PHKB: variants seen among roughly 807,000 people sequenced by gnomAD.
PHKB encodes the protein phosphorylase b kinase regulatory subunit beta.
In PHKB, 122 loss-of-function variants were observed where a neutral mutation model predicts 152.1. The ratio of observed to expected loss-of-function variants is 0.80; its 90% CI spans 0.69 to 0.93. The LOEUF is 0.93. Ranked by LOEUF, PHKB falls within the 40% of genes least tolerant of loss-of-function variation. The pLI is 0.00. For synonymous variants in PHKB, 436 were observed against 464.9 expected, an observed-to-expected ratio of 0.94 and a Z score of 0.80; for missense variants, 1,304 against 1,328.4, an observed-to-expected ratio of 0.98 and a Z score of 0.29.
intron 6 of PHKB, among the ~76,000 whole-genome samples, chr16:47,536,144 C>T (rs868227441): frequency 2.0e-5 from 3 of 152,100 alleles, no homozygotes; most frequent in African/African-American, 4.8e-5. Context: ...CTCCGGCTCC[C>T]GTGTTCAAGC....
chr16:47,547,706 A>C lies in PHKB; in HGVS notation c.710+158A>C, dbSNP rs1056388869. 5.0e-5 allele frequency: 30 copies of C among 605,502 alleles called. No individual in the cohort carries two copies. In the South Asian group the frequency reaches 5.4e-4, roughly 11 times the overall value. The allele number at this position is 605,502 out of a possible 1,614,324, so 37.5% of individuals were successfully genotyped here. ...CAGATGGAAGTCACTTAAAATTAAC[A>C]CAAAAGAGCCCATCCTCAGTACCCA... On this transcript the variant is annotated intron_variant, in intron 7 of 30. Transcript: ENST00000323584.
At chr16:47,603,861 C>T (rs1302263840) in intron 13 of PHKB, among the ~76,000 whole-genome samples, 1 of 152,102 alleles carries the variant, frequency 6.6e-6, no homozygotes, top group Non-Finnish European at 1.5e-5. Flanking sequence ...AAACATCATC[C>T]TAAGTAATCC....
chr16:47,521,067 A>G (rs1230581032), intron 6 of PHKB, among the ~76,000 whole-genome samples: 2 of 152,164 alleles, frequency 1.3e-5, no homozygotes, highest in African/African-American at 4.8e-5. Flanking sequence ...TTGCTATCAT[A>G]TAGAAATTCA....
At position 47,471,129 on chromosome 16, in the gene PHKB, G is replaced by A. The variant is rs144374109; in HGVS notation, c.76+9703G>A. Reference sequence around the variant, plus strand: ...GCAGGGTTGAAGTAGGGACTTCAAGGAAAGCCTCTCTGGAAGTGATATTTA... The same window carrying A: ...GCAGGGTTGAAGTAGGGACTTCAAGAAAAGCCTCTCTGGAAGTGATATTTA... On this transcript the variant is annotated intron_variant, in intron 1 of 30. Transcript: ENST00000323584. 4.6e-3 allele frequency among the ~76,000 whole-genome samples: 707 copies of A among 152,296 alleles called. 1 individual carries two copies. Among genetic ancestry groups the A allele is most frequent in the Non-Finnish European group, 7.4e-3 (501 of 68,024 alleles).
intron 26 of PHKB, chr16:47,675,776 ACACT>A (rs1002563453): frequency 3.3e-5 from 5 of 152,196 alleles, no homozygotes; most frequent in African/African-American, 9.7e-5. Flanking sequence ...CACCTGGTAG[ACACT>A]CACGACACCT....
chr16:47,573,429 T>G (rs1971696246), intron 7 of PHKB, among the ~76,000 whole-genome samples: 1 of 152,160 alleles, frequency 6.6e-6, no homozygotes, highest in Non-Finnish European at 1.5e-5. Flanking sequence ...ACTGGGGTAA[T>G]GTTCCACGGA....
chr16:47,650,580 C>A lies in PHKB; in HGVS notation c.1834C>A (p.His612Asn), dbSNP rs748562398. 4 of 1,610,700 alleles carry A rather than the reference C, an allele frequency of 2.5e-6. No homozygotes were observed. Reference protein sequence around the residue: ...LQFIKQYWKMHGRPLFLVLIR... With the variant: ...LQFIKQYWKMNGRPLFLVLIR... ...GTTCATTAAACAATATTGGAAAATG[C>A]ATGGACGTCCACTTTTCCTTGTTCT... The change falls in exon 19 of 31, where the codon CAT (histidine) becomes AAT (asparagine). Residue 612 changes from histidine (H) to asparagine (N), a missense_variant. By Grantham distance (68) the His-to-Asn change is moderately conservative. Transcript: ENST00000323584.
intron 10 of PHKB, among the ~76,000 whole-genome samples, 182 bp downstream of exon 10, chr16:47,589,284 C>T (rs1971987986): frequency 6.6e-6 from 1 of 152,174 alleles, no homozygotes; most frequent in Non-Finnish European, 1.5e-5. Flanking sequence ...GTACCTATAT[C>T]ATGAGGTTCT....
At chr16:47,634,425 A>G (rs2151722682) in intron 14 of PHKB, among the ~76,000 whole-genome samples, 2 of 152,340 alleles carry the variant, frequency 1.3e-5, no homozygotes, top group East Asian at 3.9e-4. Context: ...GGGAGGTGGC[A>G]GTAGACCAGC....
chr16:47,490,533 T>G (rs1245217622), intron 1 of PHKB, among the ~76,000 whole-genome samples: 1 of 152,196 alleles, frequency 6.6e-6, no homozygotes, highest in Non-Finnish European at 1.5e-5. Context: ...ACATGTCAGA[T>G]GATCCTGTTT....
intron 6 of PHKB, among the ~76,000 whole-genome samples, chr16:47,547,010 C>T (rs1356924179): frequency 6.6e-6 from 1 of 152,176 alleles, no homozygotes; most frequent in African/African-American, 2.4e-5. Flanking sequence ...TACAGTCTGT[C>T]AAGGCTTCCC....
intron 7 of PHKB, among the ~76,000 whole-genome samples, chr16:47,560,279 A>G (rs574513149): frequency 2.0e-4 from 30 of 152,356 alleles, no homozygotes; most frequent in Non-Finnish European, 3.5e-4. Context: ...TAAGACTTGT[A>G]TAGGTTCTTG....
chr16:47,596,588 T>A, intron 13 of PHKB, 57 bp downstream of exon 13: 1 of 1,499,104 alleles, frequency 6.7e-7, no homozygotes, highest in South Asian at 1.1e-5. Context: ...CTATTAGAAA[T>A]AAATATGCCT....
intron 26 of PHKB, among the ~76,000 whole-genome samples, chr16:47,678,974 C>G: frequency 6.6e-6 from 1 of 152,166 alleles, no homozygotes; most frequent in Non-Finnish European, 1.5e-5. Flanking sequence ...CATCAAGTTT[C>G]AGCTTTCTAC....
chr16:47,547,315 C>A lies in PHKB; in HGVS notation c.595-118C>A, dbSNP rs905462742. ...GTCATGCTGGTCTCAAACTCCCAAC[C>A]TCATGTAATCCCTCCCCTCAGCCTC... On this transcript the variant is annotated intron_variant, in intron 6 of 30. Coordinates refer to ENST00000323584, the MANE Select transcript of PHKB (RefSeq NM_000293.3). 5.8e-6 allele frequency: 4 copies of A among 692,310 alleles called. No homozygotes were observed. In the East Asian group the frequency reaches 8.2e-5, roughly 14 times the overall value. 42.9% of individuals were successfully genotyped at this position (692,310 alleles called of 1,614,324 possible). A position where few individuals can be genotyped will look rare whatever the true frequency, so the allele number is the denominator to read the frequency against.
At chr16:47,614,043 G>A (rs1972473898) in intron 14 of PHKB, among the ~76,000 whole-genome samples, 1 of 152,176 alleles carries the variant, frequency 6.6e-6, no homozygotes, top group Admixed American at 6.5e-5. Context: ...AAGAAAAGAG[G>A]TTTAATTGTA....
intron 1 of PHKB, among the ~76,000 whole-genome samples, chr16:47,464,988 T>C (rs1431517396): frequency 6.6e-6 from 1 of 152,186 alleles, no homozygotes; most frequent in Non-Finnish European, 1.5e-5. Context: ...TGTTTCTCCC[T>C]CTTCATTCAT....
intron 13 of PHKB, 71 bp downstream of exon 13, chr16:47,596,602 C>A (rs530338800): frequency 4.8e-6 from 7 of 1,443,482 alleles, no homozygotes; most frequent in Admixed American, 1.7e-5. Context: ...TATGCCTTTG[C>A]TGGTGTTTAT....
intron 7 of PHKB, among the ~76,000 whole-genome samples, chr16:47,578,973 T>C (rs1971796425): frequency 6.6e-6 from 1 of 152,162 alleles, no homozygotes; most frequent in Non-Finnish European, 1.5e-5. Context: ...CATTTCTCAG[T>C]GGTTGGCTCC....
Sources: allele counts gnomAD v4.1 joint callset (sites outside exome capture counted in the v4.1 genomes callset), GRCh38; gene constraint gnomAD v4.1.1; transcripts MANE v1.5; gene names NCBI Gene and HGNC (gene_info 2026-07-23, HGNC 2026-07-21).